Variants in COL21A1 observed in about 807,000 individuals in gnomAD.
COL21A1 encodes collagen alpha-1(XXI) chain.
In COL21A1, 149 loss-of-function variants were observed where a neutral mutation model predicts 137.9. The observed-to-expected ratio is 1.08, with a 90% CI of 0.95 to 1.24. The LOEUF is 1.24. Among genes scored for constraint, COL21A1 ranks in the 50% most tolerant of loss-of-function variants. The pLI is 0.00. For synonymous variants in COL21A1, 456 were observed against 391.5 expected (o/e 1.16, Z -1.95); for missense variants, 1,167 against 1,158.4 (o/e 1.01, Z -0.11).
intron 1 of COL21A1, among the ~76,000 whole-genome samples, chr6:56,287,961 G>A (rs1384345577): frequency 6.6e-6 from 1 of 152,128 alleles, no homozygotes; most frequent in African/African-American, 2.4e-5. Context: ...AACAAGGCAA[G>A]GACAAGGATT....
intron 1 of COL21A1, among the ~76,000 whole-genome samples, chr6:56,364,506 C>T (rs1041140146): frequency 2.6e-5 from 4 of 152,168 alleles, no homozygotes; most frequent in Non-Finnish European, 4.4e-5. Flanking sequence ...AGACCCTCTC[C>T]CATAAATCCA....
chr6:56,065,320 C>A (rs1467336010), intron 23 of COL21A1, among the ~76,000 whole-genome samples: 1 of 151,960 alleles, frequency 6.6e-6, no homozygotes. Context: ...ATCACCCTTG[C>A]CTAGTAATGA....
At chr6:56,180,236 T>TCACATACAATTTAAAA in intron 2 of COL21A1, 107 bp from the exon 3 acceptor site, 1 of 849,992 alleles carries the variant, frequency 1.2e-6, no homozygotes, top group Non-Finnish European at 1.8e-6. Context: ...ATTGCTTATT[T>TCACATACAATTTAAAA]TAAATTGTCT....
At chr6:56,066,331 T>A (rs1224162798) in intron 23 of COL21A1, among the ~76,000 whole-genome samples, 1 of 152,136 alleles carries the variant, frequency 6.6e-6, no homozygotes, top group African/African-American at 2.4e-5. Context: ...GGAACTGTTA[T>A]AATTGTGGAT....
Position 56,135,756 on chromosome 6 carries a change from G to A in COL21A1, c.1542+6029C>T, listed in dbSNP as rs553599517. 6.4e-4 allele frequency among the ~76,000 whole-genome samples: 98 copies of A among 152,206 alleles called. No individual in the cohort carries two copies. The South Asian group carries it at 0.015, about 23-fold the overall frequency. On this transcript the variant is annotated intron_variant, in intron 12 of 29. Coordinates refer to ENST00000244728, the MANE Select transcript of COL21A1 (RefSeq NM_030820.4). ...ATTTGATAAAAACAGTCCCTACATCGTATAGCTATGATTAACCTTTTCTTT... is the reference window on the plus strand; with the variant it reads ...ATTTGATAAAAACAGTCCCTACATCATATAGCTATGATTAACCTTTTCTTT...
At position 56,185,468 on chromosome 6, in the gene COL21A1, G is replaced by A. The variant is rs796868832; in HGVS notation, c.-38-2812C>T. On this transcript the variant is annotated intron_variant, in intron 1 of 29. Transcript: ENST00000244728. Reference sequence around the variant, plus strand: ...TTTTGAGACGGAGTCTCGCTCTGTCGCCCAGGCCGGACTGCGGACTGCAGT... The same window carrying A: ...TTTTGAGACGGAGTCTCGCTCTGTCACCCAGGCCGGACTGCGGACTGCAGT... Among the ~76,000 whole-genome samples, 720 of 116,506 alleles carry A rather than the reference G, an allele frequency of 6.2e-3. 8 individuals are homozygous for A. Among genetic ancestry groups the A allele is most frequent in the African/African-American group, 0.022 (666 of 29,760 alleles). 76.4% of individuals were successfully genotyped at this position (116,506 alleles called of 152,430 possible). A position where few individuals can be genotyped will look rare whatever the true frequency, so the allele number is the denominator to read the frequency against.
At chr6:56,098,555 AT>A in intron 17 of COL21A1, among the ~76,000 whole-genome samples, 1 of 30,844 alleles carries the variant, frequency 3.2e-5, no homozygotes, top group Non-Finnish European at 5.7e-5. Context: ...ATAAATATAT[AT>A]AAATATATAA....
rs180713128 is a variant in COL21A1 at position 56,181,400 on chromosome 6, T to G, written c.88+1131A>C. 2.1e-3 allele frequency among the ~76,000 whole-genome samples: 248 copies of G among 118,328 alleles called. 1 individual carries two copies. Among genetic ancestry groups the G allele is most frequent in the African/African-American group, 9.3e-3 (242 of 26,026 alleles). 77.6% of individuals were successfully genotyped at this position (118,328 alleles called of 152,430 possible). On this transcript the variant is annotated intron_variant, in intron 2 of 29. Coordinates refer to ENST00000244728, the MANE Select transcript of COL21A1 (RefSeq NM_030820.4). ...TGCTTTTATTGTTTTTTGTTTTTTGTTTTTTTTTTGCAGGGAGACGAAAGG... is the reference window on the plus strand; with the variant it reads ...TGCTTTTATTGTTTTTTGTTTTTTGGTTTTTTTTTGCAGGGAGACGAAAGG...
intron 12 of COL21A1, among the ~76,000 whole-genome samples, chr6:56,140,372 G>C (rs557507489): frequency 9.9e-5 from 15 of 152,244 alleles, no homozygotes; most frequent in African/African-American, 3.6e-4. Context: ...AAATGTTAAA[G>C]TCAGAAAGAA....
At position 56,147,872 on chromosome 6, in the gene COL21A1, C is replaced by A. The variant is rs575429731; in HGVS notation, c.1435-5889G>T. On this transcript the variant is annotated intron_variant, in intron 10 of 29. Transcript: ENST00000244728. Reference sequence around the variant, plus strand: ...AACCCCTGCCAAGATACTCCGCAAGCCTGAGAGCTAGTTTTCCTCCCTGTC... The same window carrying A: ...AACCCCTGCCAAGATACTCCGCAAGACTGAGAGCTAGTTTTCCTCCCTGTC... Among the ~76,000 whole-genome samples the A allele has an allele frequency of 6.6e-5, 10 of 152,250 alleles. No individual in the cohort carries two copies. The East Asian group carries it at 1.9e-3, about 29-fold the overall frequency.
At chr6:56,301,983 G>T (rs1040761713) in intron 1 of COL21A1, among the ~76,000 whole-genome samples, 1 of 151,970 alleles carries the variant, frequency 6.6e-6, no homozygotes, top group Non-Finnish European at 1.5e-5. Flanking sequence ...GCGGTGTTTG[G>T]TTTTTTGTCC....
intron 5 of COL21A1, among the ~76,000 whole-genome samples, chr6:56,168,844 A>G (rs1776804320): frequency 2.6e-5 from 4 of 151,886 alleles, no homozygotes. Context: ...CCATTCCTCC[A>G]GGCCAATTAT....
chr6:56,130,165 T>TTTTATATATA (rs1414609284), intron 12 of COL21A1, among the ~76,000 whole-genome samples: 57 of 107,888 alleles, frequency 5.3e-4, no homozygotes, highest in African/African-American at 9.0e-4. Flanking sequence ...TGACAGGGTT[T>TTTTATATATA]TATATATATA....
intron 1 of COL21A1, among the ~76,000 whole-genome samples, chr6:56,347,121 C>T (rs996546601): frequency 1.3e-5 from 2 of 152,272 alleles, no homozygotes; most frequent in Middle Eastern, 3.4e-3. Flanking sequence ...TGCGCTCTGT[C>T]GGGCTGCCTT....
chr6:56,070,165 G>A (rs549764516), intron 21 of COL21A1, among the ~76,000 whole-genome samples: 31 of 151,564 alleles, frequency 2.0e-4, no homozygotes, highest in East Asian at 5.8e-4. Context: ...GTGTTTTACC[G>A]TTAGTCCAAA....
intron 1 of COL21A1, among the ~76,000 whole-genome samples, chr6:56,234,243 T>A (rs116517751): frequency 0.01 from 1,526 of 151,604 alleles, 22 homozygotes; most frequent in African/African-American, 0.034. Flanking sequence ...TTACAAGAAA[T>A]CCACCTAAAA....
At chr6:56,346,297 G>A (rs1014391159) in intron 1 of COL21A1, among the ~76,000 whole-genome samples, 3 of 152,182 alleles carry the variant, frequency 2.0e-5, no homozygotes, top group Non-Finnish European at 4.4e-5. Flanking sequence ...ATTGACCATA[G>A]ATTGGTTTGC....
chr6:56,228,363 G>A (rs192374017), intron 1 of COL21A1, among the ~76,000 whole-genome samples: 2 of 151,800 alleles, frequency 1.3e-5, no homozygotes, highest in African/African-American at 2.4e-5. Flanking sequence ...GAGTTAAAAC[G>A]GGCCAGGTCC....
At chr6:56,297,096 A>T (rs1764179479) in intron 1 of COL21A1, among the ~76,000 whole-genome samples, 1 of 152,062 alleles carries the variant, frequency 6.6e-6, no homozygotes, top group East Asian at 1.9e-4. Flanking sequence ...TCCCATAGAG[A>T]TACAATACTG....
Sources: allele counts gnomAD v4.1 joint callset (sites outside exome capture counted in the v4.1 genomes callset), GRCh38; gene constraint gnomAD v4.1.1; transcripts MANE v1.5; gene names NCBI Gene and HGNC (gene_info 2026-07-23, HGNC 2026-07-21).